CBARP: variants seen among roughly 807,000 people sequenced by gnomAD.
CBARP encodes voltage-dependent calcium channel beta subunit-associated regulatory protein.
A neutral mutation model predicts 36.3 loss-of-function variants in CBARP; 24 were observed. The ratio of observed to expected loss-of-function variants is 0.66; its 90% CI spans 0.48 to 0.93. CBARP has a LOEUF of 0.93. Ranked by LOEUF, CBARP falls within the 40% of genes least tolerant of loss-of-function variation. The pLI is 0.00. For missense variants in CBARP, 1,146 were observed against 980.4 expected, an observed-to-expected ratio of 1.17 and a Z score of -2.26; for synonymous variants, 586 against 453.2, an observed-to-expected ratio of 1.29 and a Z score of -3.72.
Position 1,229,257 on chromosome 19 carries a change from C to T in CBARP, c.2040G>A (p.Pro680=). 2 of 1,245,522 alleles carry T rather than the reference C, an allele frequency of 1.6e-6. No homozygotes were observed. Among genetic ancestry groups the T allele is most frequent in the Non-Finnish European group, 2.1e-6 (2 of 970,208 alleles). The allele number at this position is 1,245,522 out of a possible 1,614,324, so 77.2% of individuals were successfully genotyped here. A position where few individuals can be genotyped will look rare whatever the true frequency, so the allele number is the denominator to read the frequency against. The change falls in exon 10 of 10, where the codon CCG becomes CCA. Residue 680 remains proline (P), a synonymous_variant. Transcript: ENST00000650044. This position sits in a 1 kb window ranked among gnomAD's most constrained non-coding sequence, Gnocchi z 5.1. ...TCGCCACGACGGGCTCGGCGAGGCG[C>T]GGCGGAAAGAGTCTCTCGTCGAGGC... ...AAGLDERLFP[P]RLAEPVVATP...
Position 1,235,574 on chromosome 19 carries a change from G to C in CBARP, c.246-9C>G, listed in dbSNP as rs1599950859. On this transcript the variant is annotated splice_polypyrimidine_tract_variant and intron_variant, in intron 3 of 9. Transcript: ENST00000650044. ...CCGCTTCCTCCATGGCCCTGGGAGA[G>C]ACGTTGGGAGAGCCCAGTGGCACGG... 1.2e-6 allele frequency: 2 copies of C among 1,607,114 alleles called. No homozygotes were observed. Among genetic ancestry groups the C allele is most frequent in the Non-Finnish European group, 1.7e-6 (2 of 1,177,230 alleles).
At chr19:1,237,060 G>T (rs2080985046) in intron 1 of CBARP, among the ~76,000 whole-genome samples, 1 of 152,158 alleles carries the variant, frequency 6.6e-6, no homozygotes, top group Admixed American at 6.5e-5. Context: ...GCAGGGGGTC[G>T]GGGCTGGCGC....
chr19:1,230,105 C>T lies in CBARP; in HGVS notation c.1192G>A (p.Asp398Asn), dbSNP rs1377145908. 2.5e-5 allele frequency: 27 copies of T among 1,074,288 alleles called. No individual in the cohort carries two copies. Among genetic ancestry groups the T allele is most frequent in the Admixed American group, 5.8e-5 (1 of 17,230 alleles). The allele number at this position is 1,074,288 out of a possible 1,614,324, so 66.5% of individuals were successfully genotyped here. A position where few individuals can be genotyped will look rare whatever the true frequency, so the allele number is the denominator to read the frequency against. ...AAEAAGGASPDSPPERGAGSA... is the reference protein window; with the variant it reads ...AAEAAGGASPNSPPERGAGSA... ...CCCGCGCCGCGCTCCGGGGGGGAAT[C>T]GGGGCTCGCTCCTCCCGCTGCCTCG... The change falls in exon 10 of 10, where the codon GAT (aspartate) becomes AAT (asparagine). Residue 398 changes from aspartate to asparagine, a missense_variant. Coordinates refer to ENST00000650044, the MANE Select transcript of CBARP (RefSeq NM_001393918.1).
At chr19:1,234,837 G>T (rs1422565737) in intron 5 of CBARP, 95 bp from the exon 6 acceptor site, 1 of 1,526,712 alleles carries the variant, frequency 6.6e-7, no homozygotes, top group South Asian at 1.2e-5. Context: ...CCTGGGCAGG[G>T]GCAGGCGAAA....
At position 1,233,655 on chromosome 19, in the gene CBARP, G is replaced by T; in HGVS notation, c.769-19C>A. Reference sequence around the variant, plus strand: ...CATCCAACTGGCAGGGAACAGAGATGGCGCTCAGGCTAAGACTTCTTCCTG... The same window carrying T: ...CATCCAACTGGCAGGGAACAGAGATTGCGCTCAGGCTAAGACTTCTTCCTG... On this transcript the variant is annotated intron_variant, in intron 7 of 9. Coordinates refer to ENST00000650044, the MANE Select transcript of CBARP (RefSeq NM_001393918.1). The T allele has an allele frequency of 6.3e-7, 1 of 1,597,580 alleles. No homozygotes were observed. The highest frequency in any genetic ancestry group is 8.5e-7 in the Non-Finnish European group (1 of 1,172,398).
At chr19:1,230,977 G>A (rs762116218) in intron 9 of CBARP, 124 bp downstream of exon 9, 10 of 1,558,370 alleles carry the variant, frequency 6.4e-6, no homozygotes, top group South Asian at 3.6e-5. Context: ...GGGCCTTGCC[G>A]CTGGAGGCAG....
Position 1,235,132 on chromosome 19 carries a change from C to G in CBARP, c.324G>C (p.Arg108=). 1.3e-6 allele frequency: 2 copies of G among 1,590,154 alleles called. No individual in the cohort carries two copies. Among genetic ancestry groups the G allele is most frequent in the Non-Finnish European group, 1.7e-6 (2 of 1,168,908 alleles). ...GTHPAQDPDF[R]GEDPECQDAE... is the part of the protein sequence containing the mutation. ...CATCCTGGCACTCGGGGTCCTCTCC[C>G]CGGAAGTCGGGGTCTGCGTGGAGAG... The change falls in exon 5 of 10, where the codon CGG becomes CGC. Residue 108 remains arginine, a synonymous_variant. Coordinates refer to ENST00000650044, the MANE Select transcript of CBARP (RefSeq NM_001393918.1).
chr19:1,234,787 C>T (rs376268018), intron 5 of CBARP, 45 bp from the exon 6 acceptor site: 6 of 1,585,246 alleles, frequency 3.8e-6, no homozygotes, highest in East Asian at 4.6e-5. Context: ...CTCCCATGCC[C>T]GATGCCCCAG....
At chr19:1,235,279 G>A (rs2080951917) in intron 4 of CBARP, 134 bp from the exon 5 acceptor site, 3 of 1,129,324 alleles carry the variant, frequency 2.7e-6, no homozygotes, top group African/African-American at 1.7e-5. Context: ...CTGGCGGGGC[G>A]AGGGACACTC....
chr19:1,235,205 G>T (rs1004471728), intron 4 of CBARP, 60 bp from the exon 5 acceptor site: 10 of 1,417,464 alleles, frequency 7.1e-6, no homozygotes, highest in Middle Eastern at 2.6e-4. Context: ...GCCTGGTCCC[G>T]GGAGGGCTGC....
chr19:1,237,206 A>C (rs1400572836), intron 1 of CBARP, among the ~76,000 whole-genome samples: 4 of 152,172 alleles, frequency 2.6e-5, no homozygotes, highest in African/African-American at 9.7e-5. Flanking sequence ...TGAGGCCCAA[A>C]GCCGGGCAGG....
chr19:1,233,443 G>T lies in CBARP; in HGVS notation c.962C>A (p.Ala321Asp). Residue 321 changes from alanine to aspartate, a missense_variant, in exon 8 of 10, where the codon GCC (alanine) becomes GAC (aspartate). Ala to Asp is a moderately radical substitution (Grantham distance 126). Transcript: ENST00000650044. ...KWKLEPSQRA[A>D]SLDTRGSPKR... ...CAGCTCACCTCTCGTGTCCAGACTG[G>T]CTGCCCGCTGGCTGGGCTCCAGCTT... is the stretch of plus-strand genomic sequence containing the variant. The T allele has an allele frequency of 6.3e-7, 1 of 1,593,292 alleles. No homozygotes were observed. The highest frequency in any genetic ancestry group is 1.7e-5 in the Admixed American group (1 of 57,584).
chr19:1,231,118 C>A lies in CBARP; in HGVS notation c.1137G>T (p.Pro379=), dbSNP rs534213272. 6.3e-7 allele frequency: 1 copy of A among 1,595,838 alleles called. No homozygotes were observed. Among genetic ancestry groups the A allele is most frequent in the East Asian group, 2.3e-5 (1 of 44,046 alleles). The change falls in exon 9 of 10, where the codon CCG becomes CCT. Residue 379 remains proline, a synonymous_variant. Coordinates refer to ENST00000650044, the MANE Select transcript of CBARP (RefSeq NM_001393918.1). ...FPHPRPFLAS[P]PPALGRLEAA... ...AAAAATACCTGCCGAGAGCAGGGGG[C>A]GGGCTGGCCAGAAAGGGGCGGGGGT...
intron 8 of CBARP, among the ~76,000 whole-genome samples, 183 bp from the exon 9 acceptor site, chr19:1,231,458 GC>G (rs1273842998): frequency 4.4e-5 from 4 of 90,058 alleles, no homozygotes; most frequent in Non-Finnish European, 6.3e-5. Flanking sequence ...CAACGCCTGG[GC>G]CCCCCCCACA....
At chr19:1,231,451 C>A (rs1483536864) in intron 8 of CBARP, among the ~76,000 whole-genome samples, 176 bp from the exon 9 acceptor site, 2 of 119,590 alleles carry the variant, frequency 1.7e-5, no homozygotes, top group Admixed American at 1.7e-4. Context: ...ACACATACAA[C>A]GCCTGGGCCC....
chr19:1,236,653 G>A (rs2080977830), intron 1 of CBARP, among the ~76,000 whole-genome samples: 1 of 152,026 alleles, frequency 6.6e-6, no homozygotes, highest in African/African-American at 2.4e-5. Context: ...GCAGGGGCTG[G>A]GCGCGTGCTC....
Position 1,233,426 on chromosome 19 carries a change from C to G in CBARP, c.979G>C (p.Gly327Arg), listed in dbSNP as rs2080919493. 1 of 1,585,546 alleles carries G rather than the reference C, an allele frequency of 6.3e-7. No individual in the cohort carries two copies. The highest frequency in any genetic ancestry group is 1.3e-5 in the African/African-American group (1 of 74,392). Residue 327 changes from glycine (G) to arginine (R), a missense_variant and splice_region_variant, in exon 8 of 10, where the codon GGT (glycine) becomes CGT (arginine). By Grantham distance (125) the Gly-to-Arg change is moderately radical. Transcript: ENST00000650044. Reference sequence around the variant, plus strand: ...CTCTCCACCAGGTGCTACAGCTCACCTCTCGTGTCCAGACTGGCTGCCCGC... The same window carrying G: ...CTCTCCACCAGGTGCTACAGCTCACGTCTCGTGTCCAGACTGGCTGCCCGC... ...SQRAASLDTR[G>R]SPKRHHFQRQ...
rs373612685 is a variant in CBARP at position 1,235,760 on chromosome 19, C to T, written c.245+19G>A. 15 of 1,606,292 alleles carry T rather than the reference C, an allele frequency of 9.3e-6. 1 individual carries two copies. Among genetic ancestry groups the T allele is most frequent in the Middle Eastern group, 1.6e-4 (1 of 6,082 alleles). Reference sequence around the variant, plus strand: ...CACAACCACCATGCACCTGCCCAGCCGAGGTGGGGGCCTCGCACCTGTTGA... The same window carrying T: ...CACAACCACCATGCACCTGCCCAGCTGAGGTGGGGGCCTCGCACCTGTTGA... On this transcript the variant is annotated intron_variant, in intron 3 of 9. Coordinates refer to ENST00000650044, the MANE Select transcript of CBARP (RefSeq NM_001393918.1).
intron 8 of CBARP, 131 bp from the exon 9 acceptor site, chr19:1,231,406 G>A: frequency 2.3e-6 from 3 of 1,321,540 alleles, no homozygotes; most frequent in African/African-American, 2.0e-5. Flanking sequence ...CAACGCCTGT[G>A]GACCCCCACC....
Sources: allele counts gnomAD v4.1 joint callset (sites outside exome capture counted in the v4.1 genomes callset), GRCh38; gene constraint gnomAD v4.1.1; non-coding constraint Gnocchi (gnomAD v3.1); transcripts MANE v1.5; gene names NCBI Gene and HGNC (gene_info 2026-07-23, HGNC 2026-07-21).